Variants in AGAP1 observed in about 807,000 individuals in gnomAD.
AGAP1 encodes the protein arf-GAP with GTPase, ANK repeat and PH domain-containing protein 1.
In AGAP1, 29 loss-of-function variants were observed where a neutral mutation model predicts 105.3. The observed-to-expected ratio is 0.28, with a 90% confidence interval of 0.21 to 0.38. The LOEUF is 0.38. Among genes scored for constraint, AGAP1 ranks in the 10% least tolerant of loss-of-function variants. The probability of loss-of-function intolerance (pLI) is 1.00; values close to 1 mark genes in which losing one functional copy is unlikely to be tolerated. For missense variants in AGAP1, 998 were observed against 1,165.1 expected (o/e 0.86, Z 2.09); for synonymous variants, 509 against 485.9 (o/e 1.05, Z -0.63).
chr2:235,602,561 C>T (rs11686653), intron 1 of AGAP1, among the ~76,000 whole-genome samples: 13,429 of 152,270 alleles, frequency 0.088, 871 homozygotes, highest in South Asian at 0.28. Context: ...AGTGCCCTTC[C>T]GCTTCCTGCA....
Position 235,724,876 on chromosome 2 carries a change from T to A in AGAP1, c.310+7232T>A, listed in dbSNP as rs1311400832. On this transcript the variant is annotated intron_variant, in intron 3 of 17. Transcript: ENST00000304032. The surrounding 1 kb of genome is among the most constrained non-coding windows in gnomAD (Gnocchi z 4.9). The stretch of plus-strand genomic sequence containing the variant: ...AGTACACCAGACCCACCTCATTTCT[T>A]ACATCTCTCCAAGAGAAGCCTTTCG... Among the ~76,000 whole-genome samples the A allele has an allele frequency of 1.3e-5, 2 of 152,232 alleles. No homozygotes were observed. The highest frequency in any genetic ancestry group is 2.9e-5 in the Non-Finnish European group (2 of 68,038).
intron 13 of AGAP1, among the ~76,000 whole-genome samples, chr2:235,978,449 C>G (rs935554739): frequency 2.0e-5 from 3 of 152,172 alleles, no homozygotes; most frequent in African/African-American, 7.2e-5. Context: ...AGGAAGAACA[C>G]CATGGATTTA....
chr2:236,086,912 C>T (rs1234622218), intron 16 of AGAP1, among the ~76,000 whole-genome samples: 1 of 150,810 alleles, frequency 6.6e-6, no homozygotes, highest in African/African-American at 2.4e-5. Context: ...AAATTCCCCG[C>T]TCCCTCCCTG....
At chr2:235,946,867 C>T (rs182636347) in intron 12 of AGAP1, among the ~76,000 whole-genome samples, 1 of 152,170 alleles carries the variant, frequency 6.6e-6, no homozygotes, top group Non-Finnish European at 1.5e-5. Flanking sequence ...GGAACCCCTC[C>T]CCACCCTTGT....
intron 1 of AGAP1, among the ~76,000 whole-genome samples, chr2:235,505,142 A>G (rs1202279338): frequency 6.6e-6 from 1 of 152,206 alleles, no homozygotes; most frequent in Non-Finnish European, 1.5e-5. Context: ...TTCACTCTGT[A>G]TGTTTGGCCT....
At chr2:235,567,016 TC>T (rs1944368597) in intron 1 of AGAP1, among the ~76,000 whole-genome samples, 1 of 152,122 alleles carries the variant, frequency 6.6e-6, no homozygotes, top group African/African-American at 2.4e-5. Context: ...CGTGCCCTCT[TC>T]CCGGCATGTG....
rs184585532 is a variant in AGAP1 at position 235,562,549 on chromosome 2, G to A, written c.163+67700G>A. ...CAGCAGTCCGGCTTCTCTCCTTTCC[G>A]CTGCCCCATGCTTTCTGGTGGCCTG... On this transcript the variant is annotated intron_variant, in intron 1 of 17. Coordinates refer to ENST00000304032, the MANE Select transcript of AGAP1 (RefSeq NM_001037131.3). Among the ~76,000 whole-genome samples the A allele has an allele frequency of 1.1e-3, 164 of 148,446 alleles. 1 individual carries two copies. The highest frequency in any genetic ancestry group is 3.9e-3 in the African/African-American group (155 of 40,240).
intron 5 of AGAP1, among the ~76,000 whole-genome samples, chr2:235,749,752 G>A (rs1390865063): frequency 6.6e-6 from 1 of 152,200 alleles, no homozygotes; most frequent in Non-Finnish European, 1.5e-5. Context: ...TCAGTTAACA[G>A]TGTGGCCATC....
At chr2:235,878,889 G>A (rs958815101) in intron 9 of AGAP1, among the ~76,000 whole-genome samples, 1 of 152,228 alleles carries the variant, frequency 6.6e-6, no homozygotes, top group Non-Finnish European at 1.5e-5. Flanking sequence ...TGACAGAGGT[G>A]CCTGCCAGAG....
chr2:235,805,145 C>T (rs911804261), intron 8 of AGAP1, among the ~76,000 whole-genome samples: 4 of 152,146 alleles, frequency 2.6e-5, no homozygotes, highest in African/African-American at 7.2e-5. Flanking sequence ...TGTTCTTTCC[C>T]GAAATTTTAG....
In AGAP1 at chr2:236,130,940, C is replaced by G. The variant is rs1283933762; in HGVS notation, c.*6818C>G. On this transcript the variant is annotated 3_prime_UTR_variant, in exon 18 of 18. Coordinates refer to ENST00000304032, the MANE Select transcript of AGAP1 (RefSeq NM_001037131.3). This position sits in a 1 kb window ranked among gnomAD's most constrained non-coding sequence, Gnocchi z 5.8. ...GCCCCAAGGGTCCCAGCAGGGCTCT[C>G]AGCATGGCTGTTTTGAGGGTACACA... The G allele has an allele frequency of 6.6e-6, 1 of 152,324 alleles. No individual in the cohort carries two copies. Among genetic ancestry groups the G allele is most frequent in the African/African-American group, 2.4e-5 (1 of 41,452 alleles). The allele number at this position is 152,324 out of a possible 1,614,324, so 9.4% of individuals were successfully genotyped here. A position where few individuals can be genotyped will look rare whatever the true frequency, so the allele number is the denominator to read the frequency against.
At chr2:235,613,459 C>T (rs1450874307) in intron 1 of AGAP1, among the ~76,000 whole-genome samples, 2 of 152,176 alleles carry the variant, frequency 1.3e-5, no homozygotes, top group African/African-American at 2.4e-5. Flanking sequence ...AACCTTTTTC[C>T]TTCCTTCAAT....
At chr2:235,757,414 C>A (rs1954020375) in intron 6 of AGAP1, among the ~76,000 whole-genome samples, 1 of 152,160 alleles carries the variant, frequency 6.6e-6, no homozygotes, top group Non-Finnish European at 1.5e-5. Context: ...GCTAGTGTGG[C>A]CACAGCCTTG....
In AGAP1 at chr2:235,917,601, C is replaced by T. The variant is rs138749982; in HGVS notation, c.1324+8695C>T. The stretch of plus-strand genomic sequence containing the variant: ...GGGGTAATAAGGAGAGCTTGATTAA[C>T]GTGGTGCACTTGGGGGAGAGATGAG... On this transcript the variant is annotated intron_variant, in intron 11 of 17. Transcript: ENST00000304032. Among the ~76,000 whole-genome samples the T allele has an allele frequency of 7.9e-5, 12 of 152,100 alleles. No homozygotes were observed. The East Asian group carries it at 2.3e-3, about 30-fold the overall frequency.
intron 1 of AGAP1, among the ~76,000 whole-genome samples, chr2:235,545,709 C>A (rs1213296096): frequency 6.6e-6 from 1 of 152,170 alleles, no homozygotes; most frequent in Non-Finnish European, 1.5e-5. Context: ...TGGCTGGAGT[C>A]CTCTTTCCCT....
At chr2:235,711,947 T>C (rs916017296) in intron 2 of AGAP1, among the ~76,000 whole-genome samples, 1 of 152,212 alleles carries the variant, frequency 6.6e-6, no homozygotes, top group Non-Finnish European at 1.5e-5. Flanking sequence ...ATAAATCTTT[T>C]GAAATCTGTC....
chr2:235,749,875 G>C (rs991016084), intron 5 of AGAP1, among the ~76,000 whole-genome samples: 1 of 152,080 alleles, frequency 6.6e-6, no homozygotes, highest in African/African-American at 2.4e-5. Flanking sequence ...CAATTCACTG[G>C]GGTATCCCTG....
intron 9 of AGAP1, among the ~76,000 whole-genome samples, chr2:235,829,264 T>C (rs1447852075): frequency 2.0e-5 from 3 of 152,212 alleles, no homozygotes; most frequent in Non-Finnish European, 4.4e-5. Context: ...GAGAGAGAGC[T>C]GGACCACTGT....
chr2:235,772,303 T>G (rs191930134), intron 6 of AGAP1, among the ~76,000 whole-genome samples: 144 of 152,276 alleles, frequency 9.5e-4, no homozygotes, highest in Non-Finnish European at 2.9e-4. Flanking sequence ...CAGATATTTC[T>G]TATAATCCCG....
Sources: gnomAD v4.1 joint callset for allele counts (sites outside exome capture counted in the v4.1 genomes callset) on GRCh38, gnomAD v4.1.1 for gene constraint, Gnocchi (gnomAD v3.1) non-coding constraint, MANE v1.5 for transcripts, NCBI Gene and HGNC (gene_info 2026-07-23, HGNC 2026-07-21) for gene names.